The following KCNQ1 variants were observed in gnomAD, a reference collection of about 807,000 sequenced individuals.
KCNQ1 encodes the protein potassium voltage-gated channel subfamily Q member 1, also known as potassium voltage-gated channel subfamily KQT member 1.
KCNQ1 carries 49 observed loss-of-function variants against 72.4 expected under a neutral mutation model. The ratio of observed to expected loss-of-function variants is 0.68; its 90% CI spans 0.54 to 0.86. The LOEUF is 0.86. Among genes scored for constraint, KCNQ1 ranks in the 40% least tolerant of loss-of-function variants. The pLI is 0.00. For synonymous variants in KCNQ1, 450 were observed against 412.6 expected, an observed-to-expected ratio of 1.09 and a Z score of -1.10; for missense variants, 790 against 945.1, an observed-to-expected ratio of 0.84 and a Z score of 2.15.
chr11:2,642,852 A>C lies in KCNQ1; in HGVS notation c.1394-19109A>C. On this transcript the variant is annotated intron_variant, in intron 10 of 15. Coordinates refer to ENST00000155840, the MANE Select transcript of KCNQ1 (RefSeq NM_000218.3). The surrounding 1 kb of genome is among the most constrained non-coding windows in gnomAD (Gnocchi z 4.3). ...TTTTGCAGTATCCCTTAAGTTTCAG[A>C]ATGTTGTGCTTCTATTTTCACTTGT... is the stretch of plus-strand genomic sequence containing the variant. 2.5e-6 allele frequency: 1 copy of C among 397,736 alleles called. No individual in the cohort carries two copies. Among genetic ancestry groups the C allele is most frequent in the East Asian group, 3.6e-5 (1 of 27,926 alleles). The allele number at this position is 397,736 out of a possible 1,614,324, so 24.6% of individuals were successfully genotyped here. A position where few individuals can be genotyped will look rare whatever the true frequency, so the allele number is the denominator to read the frequency against.
At chr11:2,514,960 C>T (rs1185025742) in intron 1 of KCNQ1, among the ~76,000 whole-genome samples, 3 of 152,218 alleles carry the variant, frequency 2.0e-5, no homozygotes, top group Admixed American at 1.3e-4. Flanking sequence ...GCTGTCCTTC[C>T]GCACCTCGCC....
At chr11:2,758,597 A>G (rs138552122) in intron 11 of KCNQ1, among the ~76,000 whole-genome samples, 175 of 152,336 alleles carry the variant, frequency 1.1e-3, no homozygotes, top group African/African-American at 4.1e-3. Context: ...TCATACACAA[A>G]ACTAAATGAA....
At chr11:2,631,203 C>A in intron 10 of KCNQ1, 1 of 398,488 alleles carries the variant, frequency 2.5e-6, no homozygotes, top group South Asian at 1.3e-4. Flanking sequence ...TACTTTCCTT[C>A]TATAAATCCT....
intron 1 of KCNQ1, among the ~76,000 whole-genome samples, chr11:2,490,699 AT>A (rs1296143706): frequency 6.6e-6 from 1 of 152,082 alleles, no homozygotes; most frequent in Non-Finnish European, 1.5e-5. Context: ...TTTAATATTT[AT>A]TTTTTGAAAC....
Position 2,450,808 on chromosome 11 carries a change from A to G in KCNQ1, c.386+5324A>G, listed in dbSNP as rs916737592. On this transcript the variant is annotated intron_variant, in intron 1 of 15. Coordinates refer to ENST00000155840, the MANE Select transcript of KCNQ1 (RefSeq NM_000218.3). This position sits in a 1 kb window ranked among gnomAD's most constrained non-coding sequence, Gnocchi z 7.9. ...CAGGGATGCCGCGTGACCCTAGTCC[A>G]GGGGGCCGCTTTTACACGAGGCATC... 2.6e-5 allele frequency among the ~76,000 whole-genome samples: 4 copies of G among 152,174 alleles called. No homozygotes were observed. The highest frequency in any genetic ancestry group is 4.8e-5 in the African/African-American group (2 of 41,440).
In KCNQ1 at chr11:2,696,334, G is replaced by A. The variant is rs191910825; in HGVS notation, c.1514+34253G>A. The A allele has an allele frequency of 4.4e-3, 1,738 of 398,590 alleles. No individual in the cohort carries two copies. The highest frequency in any genetic ancestry group is 6.2e-3 in the Non-Finnish European group (1,412 of 226,064). The allele number at this position is 398,590 out of a possible 1,614,324, so 24.7% of individuals were successfully genotyped here. On this transcript the variant is annotated intron_variant, in intron 11 of 15. Coordinates refer to ENST00000155840, the MANE Select transcript of KCNQ1 (RefSeq NM_000218.3). ...ATTCCTATTCCTCCATTTTAGGGCT[G>A]GCTTTCCAACATCATCTTCTGAACA...
At chr11:2,771,811 C>G (rs1846604164) in intron 12 of KCNQ1, among the ~76,000 whole-genome samples, 1 of 152,186 alleles carries the variant, frequency 6.6e-6, no homozygotes, top group African/African-American at 2.4e-5. Flanking sequence ...AAAAGCTGGT[C>G]CCTGGGGAGG....
At chr11:2,459,608 G>A (rs1846244842) in intron 1 of KCNQ1, among the ~76,000 whole-genome samples, 1 of 152,156 alleles carries the variant, frequency 6.6e-6, no homozygotes, top group Non-Finnish European at 1.5e-5. Flanking sequence ...GCAGGGACAA[G>A]TCAGCTTGTT....
intron 11 of KCNQ1, chr11:2,684,885 C>A (rs1850457441): frequency 2.5e-6 from 1 of 398,684 alleles, no homozygotes; most frequent in African/African-American, 2.1e-5. Flanking sequence ...GTTTTAGATT[C>A]TTTCACTACA....
rs1331195969 is a variant in KCNQ1 at position 2,784,103 on chromosome 11, GT to G, written c.1794+6073del. 1.3e-5 allele frequency among the ~76,000 whole-genome samples: 2 copies of G among 151,710 alleles called. No individual in the cohort carries two copies. The highest frequency in any genetic ancestry group is 6.6e-5 in the Admixed American group (1 of 15,258). Reference sequence around the variant, plus strand: ...AACATTTTCTCCTGTTTTGTTTTGGGTTTTTTTCCTTCTAGAAGTTGTATAG... The same window carrying G: ...AACATTTTCTCCTGTTTTGTTTTGGGTTTTTTCCTTCTAGAAGTTGTATAG... On this transcript the variant is annotated intron_variant, in intron 15 of 15. Transcript: ENST00000155840. This position sits in a 1 kb window ranked among gnomAD's most constrained non-coding sequence, Gnocchi z 4.7.
At chr11:2,740,062 C>T (rs1164652549) in intron 11 of KCNQ1, among the ~76,000 whole-genome samples, 1 of 152,250 alleles carries the variant, frequency 6.6e-6, no homozygotes, top group East Asian at 1.9e-4. Context: ...GTGCTGCTGC[C>T]TAGGCCCTGA....
chr11:2,669,185 C>T lies in KCNQ1; in HGVS notation c.1514+7104C>T. The T allele has an allele frequency of 2.5e-6, 1 of 398,646 alleles. No individual in the cohort carries two copies. The highest frequency in any genetic ancestry group is 4.4e-5 in the Admixed American group (1 of 22,728). 24.7% of individuals were successfully genotyped at this position (398,646 alleles called of 1,614,324 possible). On this transcript the variant is annotated intron_variant, in intron 11 of 15. Transcript: ENST00000155840. This position sits in a 1 kb window ranked among gnomAD's most constrained non-coding sequence, Gnocchi z 5.6. ...GTTCTTTGTGGCCAGGACCTTGCTT[C>T]CTTCTCACTGTAGTTTGCTAACAGG...
In KCNQ1 at chr11:2,606,267, A is replaced by G. The variant is rs545454813; in HGVS notation, c.1393+17413A>G. Among the ~76,000 whole-genome samples the G allele has an allele frequency of 1.2e-3, 180 of 152,238 alleles. 1 individual carries two copies. Among genetic ancestry groups the G allele is most frequent in the African/African-American group, 4.1e-3 (171 of 41,548 alleles). On this transcript the variant is annotated intron_variant, in intron 10 of 15. Coordinates refer to ENST00000155840, the MANE Select transcript of KCNQ1 (RefSeq NM_000218.3). ...ACTCATTCGTTGTAATTGTTTCACA[A>G]TGGATTCCTTGGGGTTTTCTGTATA...
chr11:2,795,665 C>T (rs1013299444), intron 15 of KCNQ1, among the ~76,000 whole-genome samples: 7 of 152,224 alleles, frequency 4.6e-5, no homozygotes, highest in African/African-American at 1.2e-4. Context: ...TCTGGCTTTC[C>T]GTTGCCATGG....
intron 15 of KCNQ1, among the ~76,000 whole-genome samples, chr11:2,823,339 G>A (rs1590111628): frequency 6.6e-6 from 1 of 152,306 alleles, no homozygotes. Context: ...CAAGGGTGAG[G>A]ATACAGTAAA....
At chr11:2,699,723 C>G in intron 11 of KCNQ1, 1 of 290,548 alleles carries the variant, frequency 3.4e-6, no homozygotes. Flanking sequence ...GAGGAGTCCC[C>G]GGGGAGAACT....
At chr11:2,510,104 T>TAA (rs59214756) in intron 1 of KCNQ1, among the ~76,000 whole-genome samples, 1 of 146,130 alleles carries the variant, frequency 6.8e-6, no homozygotes, top group African/African-American at 2.5e-5. Flanking sequence ...ACCCCATCTC[T>TAA]AAAAAAAAAA....
chr11:2,481,661 G>C lies in KCNQ1; in HGVS notation c.386+36177G>C, dbSNP rs1846653152. 6.6e-6 allele frequency among the ~76,000 whole-genome samples: 1 copy of C among 152,220 alleles called. No homozygotes were observed. Among genetic ancestry groups the C allele is most frequent in the African/African-American group, 2.4e-5 (1 of 41,450 alleles). ...GTGAGCTCTGCCTCCTATCAGATCA[G>C]TGGCGGCATTAGATTCTCACAGGGG... On this transcript the variant is annotated intron_variant, in intron 1 of 15. Coordinates refer to ENST00000155840, the MANE Select transcript of KCNQ1 (RefSeq NM_000218.3). This position sits in a 1 kb window ranked among gnomAD's most constrained non-coding sequence, Gnocchi z 4.6.
chr11:2,688,575 C>G (rs1423243107), intron 11 of KCNQ1: 1 of 398,592 alleles, frequency 2.5e-6, no homozygotes, highest in Non-Finnish European at 4.4e-6. Context: ...CTCATAGCAG[C>G]CAGTGCTCGC....
Sources: allele counts gnomAD v4.1 joint callset (sites outside exome capture counted in the v4.1 genomes callset), GRCh38; gene constraint gnomAD v4.1.1; non-coding constraint Gnocchi (gnomAD v3.1); transcripts MANE v1.5; gene names NCBI Gene and HGNC (gene_info 2026-07-23, HGNC 2026-07-21).